Variants in CLVS1 observed in about 807,000 individuals in gnomAD.
The protein encoded by CLVS1 is clavesin-1.
Under a neutral mutation model 33.1 loss-of-function variants are expected in CLVS1, and 10 were observed. That is an observed-to-expected ratio of 0.30 (90% CI 0.19 to 0.51). The LOEUF is 0.51. CLVS1 is among the 20% of genes least tolerant of loss of function. The pLI is 0.97. For synonymous variants in CLVS1, 163 were observed against 166.1 expected, an observed-to-expected ratio of 0.98 and a Z score of 0.14; for missense variants, 343 against 433.4, an observed-to-expected ratio of 0.79 and a Z score of 1.85.
chr8:61,437,957 G>A (rs1816399143), intron 3 of CLVS1, among the ~76,000 whole-genome samples: 1 of 152,176 alleles, frequency 6.6e-6, no homozygotes. Context: ...AGATCTGACA[G>A]GCCTGGATTC....
intron 1 of CLVS1, among the ~76,000 whole-genome samples, chr8:61,130,838 C>T (rs2129291143): frequency 6.6e-6 from 1 of 152,272 alleles, no homozygotes; most frequent in East Asian, 1.9e-4. Flanking sequence ...TTAGGGCTTC[C>T]CTGGACCCCT....
At chr8:61,235,620 G>A (rs890424527) in intron 2 of CLVS1, among the ~76,000 whole-genome samples, 1 of 152,186 alleles carries the variant, frequency 6.6e-6, no homozygotes, top group African/African-American at 2.4e-5. Context: ...ACTAGTAGGG[G>A]AAAGGAGAGT....
intron 2 of CLVS1, among the ~76,000 whole-genome samples, chr8:61,248,286 A>T (rs536614934): frequency 1.3e-5 from 2 of 152,120 alleles, no homozygotes; most frequent in African/African-American, 4.8e-5. Flanking sequence ...TTTTGGTTCC[A>T]TATAAATTTT....
intron 2 of CLVS1, among the ~76,000 whole-genome samples, chr8:61,309,976 A>T (rs1810778207): frequency 1.3e-5 from 2 of 152,326 alleles, no homozygotes; most frequent in South Asian, 4.1e-4. Context: ...GTCCTCAGTT[A>T]TAAGAACTTG....
At chr8:61,166,316 C>A (rs1158703670) in intron 2 of CLVS1, among the ~76,000 whole-genome samples, 1 of 151,792 alleles carries the variant, frequency 6.6e-6, no homozygotes, top group Non-Finnish European at 1.5e-5. Context: ...TTAGTACAGA[C>A]GGGATTTCAC....
chr8:61,441,478 A>G (rs944832476), intron 3 of CLVS1, among the ~76,000 whole-genome samples: 1 of 152,176 alleles, frequency 6.6e-6, no homozygotes, highest in Non-Finnish European at 1.5e-5. Flanking sequence ...GGGCAATAAG[A>G]AGAGATAAGG....
the CLVS1 span, among the ~76,000 whole-genome samples, chr8:60,967,133 A>C: frequency 6.6e-6 from 1 of 152,246 alleles, no homozygotes; most frequent in South Asian, 2.1e-4. Flanking sequence ...TCTCACTGTC[A>C]ATAATCAACC....
chr8:61,092,475 A>C (rs1805268053), intron 1 of CLVS1, among the ~76,000 whole-genome samples: 1 of 152,242 alleles, frequency 6.6e-6, no homozygotes, highest in Admixed American at 6.5e-5. Context: ...ACTGTCTTAT[A>C]GCTCTGGAGA....
At chr8:61,203,965 A>G (rs1807790414) in intron 2 of CLVS1, among the ~76,000 whole-genome samples, 1 of 152,272 alleles carries the variant, frequency 6.6e-6, no homozygotes, top group Admixed American at 6.5e-5. Context: ...AGTTACCTTC[A>G]TATGAGTTAT....
chr8:61,102,784 AG>A (rs1457543583), intron 1 of CLVS1, among the ~76,000 whole-genome samples: 1 of 152,220 alleles, frequency 6.6e-6, no homozygotes, highest in Admixed American at 6.5e-5. Context: ...GAAAAGAGAC[AG>A]GGAAAAGAAA....
At chr8:61,219,202 G>A (rs1808157686) in intron 2 of CLVS1, among the ~76,000 whole-genome samples, 2 of 151,758 alleles carry the variant, frequency 1.3e-5, no homozygotes, top group African/African-American at 4.8e-5. Flanking sequence ...AGAAAAAATG[G>A]GATACATGCG....
chr8:61,144,816 G>T (rs551508720), intron 2 of CLVS1, among the ~76,000 whole-genome samples: 1 of 152,100 alleles, frequency 6.6e-6, no homozygotes, highest in Non-Finnish European at 1.5e-5. Context: ...ATAATCCTCC[G>T]CTTCCTGGGT....
At chr8:61,369,545 A>G (rs775750243) in intron 2 of CLVS1, among the ~76,000 whole-genome samples, 1 of 152,178 alleles carries the variant, frequency 6.6e-6, no homozygotes, top group Non-Finnish European at 1.5e-5. Context: ...CACACTCCCT[A>G]TTGTCCTGCT....
intron 1 of CLVS1, among the ~76,000 whole-genome samples, chr8:61,061,320 T>C (rs960253896): frequency 1.3e-5 from 2 of 152,310 alleles, no homozygotes; most frequent in South Asian, 4.1e-4. Flanking sequence ...AGAGGCTCTT[T>C]CTTTTTCTTG....
intron 2 of CLVS1, among the ~76,000 whole-genome samples, chr8:61,173,813 A>G (rs541672977): frequency 6.6e-6 from 1 of 152,338 alleles, no homozygotes; most frequent in African/African-American, 2.4e-5. Context: ...TCAGCCGAAT[A>G]CTGATCAGCA....
chr8:61,285,441 C>T (rs2129593419), upstream of CLVS1, among the ~76,000 whole-genome samples: 1 of 152,326 alleles, frequency 6.6e-6, no homozygotes, highest in African/African-American at 2.4e-5. Flanking sequence ...GCACACTCTG[C>T]TTGACCTCCA....
chr8:61,404,147 G>A (rs756418796), intron 3 of CLVS1, among the ~76,000 whole-genome samples: 92 of 152,284 alleles, frequency 6.0e-4, no homozygotes, highest in Non-Finnish European at 1.0e-3. Flanking sequence ...GGGGGACCTT[G>A]AAGGTCAGGC....
chr8:61,234,205 G>T lies in CLVS1; in HGVS notation c.-151-65472G>T, dbSNP rs571498273. Among the ~76,000 whole-genome samples, 8 of 152,254 alleles carry T rather than the reference G, an allele frequency of 5.3e-5. No individual in the cohort carries two copies. In the East Asian group the frequency reaches 1.6e-3, roughly 30 times the overall value. The stretch of plus-strand genomic sequence containing the variant: ...GGGCAGAAGTCTGCTGTGGCCAGGG[G>T]GTAGAGAATGAGGGTGGACTGGATC... On this transcript the variant is annotated intron_variant, in intron 2 of 2. Coordinates refer to the CLVS1 transcript ENST00000522621.
intron 2 of CLVS1, among the ~76,000 whole-genome samples, chr8:61,186,490 TGAGA>T (rs1412983300): frequency 6.6e-6 from 1 of 152,028 alleles, no homozygotes; most frequent in Admixed American, 6.6e-5. Context: ...CTTGAAGGGA[TGAGA>T]GAGGGAAGAA....
Sources: gnomAD v4.1 joint callset for allele counts (sites outside exome capture counted in the v4.1 genomes callset) on GRCh38, gnomAD v4.1.1 for gene constraint, MANE v1.5 for transcripts, NCBI Gene and HGNC (gene_info 2026-07-23, HGNC 2026-07-21) for gene names.